The following PDGFD variants were observed in gnomAD, a reference collection of about 807,000 sequenced individuals.
PDGFD encodes the protein platelet-derived growth factor D.
In PDGFD, 30 loss-of-function variants were observed where a neutral mutation model predicts 44.7. The ratio of observed to expected loss-of-function variants is 0.67; its 90% CI spans 0.50 to 0.91. The LOEUF (loss-of-function observed/expected upper bound fraction) is 0.91. Ranked by LOEUF, PDGFD falls within the 40% of genes least tolerant of loss-of-function variation. The probability of loss-of-function intolerance (pLI) is 0.00; values close to 1 mark genes in which losing one functional copy is unlikely to be tolerated. For missense variants in PDGFD, 445 were observed against 457.8 expected, an observed-to-expected ratio of 0.97 and a Z score of 0.25; for synonymous variants, 173 against 168.4, an observed-to-expected ratio of 1.03 and a Z score of -0.21.
At chr11:104,094,446 T>C (rs1483080363) in intron 1 of PDGFD, among the ~76,000 whole-genome samples, 2 of 152,026 alleles carry the variant, frequency 1.3e-5, no homozygotes, top group East Asian at 1.9e-4. Flanking sequence ...ATCAAAATCA[T>C]ATATCCAAAA....
intron 1 of PDGFD, among the ~76,000 whole-genome samples, chr11:104,133,281 A>G (rs78770945): frequency 0.018 from 2,793 of 152,258 alleles, 71 homozygotes; most frequent in African/African-American, 0.063. Flanking sequence ...AGAAATCACA[A>G]ATAACAAATT....
intron 1 of PDGFD, among the ~76,000 whole-genome samples, chr11:104,097,037 G>A (rs550763267): frequency 1.3e-5 from 2 of 152,224 alleles, no homozygotes; most frequent in Admixed American, 1.3e-4. Flanking sequence ...AGTACTTCTG[G>A]ACATTATCAC....
At chr11:104,032,654 T>TTTTC (rs1860147342) in intron 1 of PDGFD, among the ~76,000 whole-genome samples, 1 of 140,870 alleles carries the variant, frequency 7.1e-6, no homozygotes, top group Admixed American at 6.9e-5. Context: ...ATTTTTTTCT[T>TTTTC]TTTTTTTTTT....
At chr11:103,928,444 G>C (rs543908418) in intron 5 of PDGFD, among the ~76,000 whole-genome samples, 33 of 152,284 alleles carry the variant, frequency 2.2e-4, no homozygotes, top group African/African-American at 7.2e-4. Context: ...ACTGCTTAAG[G>C]AGAAGGAAGA....
intron 3 of PDGFD, among the ~76,000 whole-genome samples, chr11:103,959,534 C>T (rs1430689062): frequency 6.6e-6 from 1 of 152,124 alleles, no homozygotes; most frequent in South Asian, 2.1e-4. Context: ...CTTTCCACTC[C>T]CCACTCAACT....
intron 1 of PDGFD, among the ~76,000 whole-genome samples, chr11:104,040,030 T>C (rs1860322669): frequency 6.6e-6 from 1 of 152,130 alleles, no homozygotes; most frequent in African/African-American, 2.4e-5. Flanking sequence ...GGTATAATTA[T>C]TTGTTTCTTA....
chr11:103,918,520 C>T (rs577065708), intron 6 of PDGFD, among the ~76,000 whole-genome samples: 9 of 152,246 alleles, frequency 5.9e-5, no homozygotes, highest in South Asian at 4.2e-4. Context: ...TCTCATTTGA[C>T]GGCAAACAAA....
intron 3 of PDGFD, among the ~76,000 whole-genome samples, chr11:103,953,366 C>T (rs1858787266): frequency 6.6e-6 from 1 of 151,948 alleles, no homozygotes; most frequent in Non-Finnish European, 1.5e-5. Flanking sequence ...GAGTATGTTC[C>T]ATATCATACA....
At chr11:103,963,500 A>C (rs1047622215) in intron 3 of PDGFD, among the ~76,000 whole-genome samples, 17 of 152,106 alleles carry the variant, frequency 1.1e-4, no homozygotes, top group Non-Finnish European at 2.2e-4. Flanking sequence ...CCACCCCATA[A>C]TTATCTACGA....
chr11:104,033,932 G>A (rs1257091957), intron 1 of PDGFD, among the ~76,000 whole-genome samples: 1 of 152,046 alleles, frequency 6.6e-6, no homozygotes, highest in Non-Finnish European at 1.5e-5. Context: ...CTGTAAAAAT[G>A]GTGAAAATTA....
intron 5 of PDGFD, among the ~76,000 whole-genome samples, chr11:103,932,620 G>A (rs987894223): frequency 1.3e-5 from 2 of 152,288 alleles, no homozygotes; most frequent in South Asian, 4.1e-4. Context: ...AGGACCAAAT[G>A]CAGCTCATTC....
At chr11:104,081,792 G>C (rs1861048049) in intron 1 of PDGFD, among the ~76,000 whole-genome samples, 1 of 152,044 alleles carries the variant, frequency 6.6e-6, no homozygotes, top group Non-Finnish European at 1.5e-5. Context: ...CCACGTTTAA[G>C]CATTTTAACC....
At chr11:104,063,351 G>T (rs905464185) in intron 1 of PDGFD, among the ~76,000 whole-genome samples, 22 of 151,544 alleles carry the variant, frequency 1.5e-4, no homozygotes, top group African/African-American at 4.8e-4. Flanking sequence ...GAGAGAGAGA[G>T]AATTTACTTT....
chr11:104,131,350 C>T (rs945016624), intron 1 of PDGFD, among the ~76,000 whole-genome samples: 2 of 152,176 alleles, frequency 1.3e-5, no homozygotes, highest in African/African-American at 4.8e-5. Flanking sequence ...TACAATACTC[C>T]TGCTGCCTTG....
At chr11:104,095,126 T>C (rs1861265220) in intron 1 of PDGFD, among the ~76,000 whole-genome samples, 1 of 152,148 alleles carries the variant, frequency 6.6e-6, no homozygotes, top group Admixed American at 6.5e-5. Flanking sequence ...TTAAATACTA[T>C]ATCTCAGATT....
chr11:104,131,045 C>T (rs1254959955), intron 1 of PDGFD, among the ~76,000 whole-genome samples: 1 of 152,050 alleles, frequency 6.6e-6, no homozygotes, highest in African/African-American at 2.4e-5. Context: ...TCATATGTCA[C>T]CTTGTACAAA....
At chr11:104,163,726 G>C in intron 1 of PDGFD, 78 bp downstream of exon 1, 1 of 1,427,420 alleles carries the variant, frequency 7.0e-7, no homozygotes, top group African/African-American at 1.4e-5. Flanking sequence ...CAAAAAGAAA[G>C]GGGAAAAACA....
chr11:103,959,293 A>T lies in PDGFD; in HGVS notation c.511-11569T>A, dbSNP rs1591095203. Among the ~76,000 whole-genome samples, 5 of 152,338 alleles carry T rather than the reference A, an allele frequency of 3.3e-5. No homozygotes were observed. The East Asian group carries it at 5.8e-4, about 18-fold the overall frequency. On this transcript the variant is annotated intron_variant, in intron 3 of 6. Coordinates refer to ENST00000393158, the MANE Select transcript of PDGFD (RefSeq NM_025208.5). ...CACTATGGGCCATACTGAATATAAA[A>T]TATTTAAGAGTCATGTTACTACTAT...
At chr11:104,119,191 A>G (rs1175904894) in intron 1 of PDGFD, among the ~76,000 whole-genome samples, 106 of 3,630 alleles carry the variant, frequency 0.029, 7 homozygotes, top group South Asian at 0.062. Context: ...TAATATATTG[A>G]TATAATATAT....
Sources: gnomAD v4.1 joint callset for allele counts (sites outside exome capture counted in the v4.1 genomes callset) on GRCh38, gnomAD v4.1.1 for gene constraint, MANE v1.5 for transcripts, NCBI Gene and HGNC (gene_info 2026-07-23, HGNC 2026-07-21) for gene names.